CRTC1: variants seen among roughly 807,000 people sequenced by gnomAD.
The protein encoded by CRTC1 is CREB regulated transcription coactivator 1.
In CRTC1, 18 loss-of-function variants were observed where a neutral mutation model predicts 66.1. The observed-to-expected ratio is 0.27, with a 90% CI of 0.19 to 0.40. The LOEUF (loss-of-function observed/expected upper bound fraction) is 0.40, where lower values mean the gene tolerates loss of function less well. Among genes scored for constraint, CRTC1 ranks in the 10% least tolerant of loss-of-function variants. The probability of loss-of-function intolerance (pLI) is 1.00; values close to 1 mark genes in which losing one functional copy is unlikely to be tolerated. For synonymous variants in CRTC1, 416 were observed against 398.8 expected (o/e 1.04, Z -0.51); for missense variants, 669 against 887.9 (o/e 0.75, Z 3.13).
chr19:18,733,184 A>G (rs568412333), intron 1 of CRTC1, among the ~76,000 whole-genome samples: 16 of 152,148 alleles, frequency 1.1e-4, no homozygotes, highest in East Asian at 1.9e-4. Flanking sequence ...TAGTGCCTCA[A>G]TTTACCAGCT....
At chr19:18,719,993 A>T (rs1011129037) in intron 1 of CRTC1, among the ~76,000 whole-genome samples, 4 of 152,234 alleles carry the variant, frequency 2.6e-5, no homozygotes, top group Non-Finnish European at 4.4e-5. Flanking sequence ...TCAAGTGGCC[A>T]GCATCCCCGC....
Position 18,728,815 on chromosome 19 carries a change from C to CTTTTTTTTTTTTTTTTTTTTTTTTT in CRTC1, c.127-14080_127-14079insTTTTTTTTTTTTTTTTTTTTTTTTT, listed in dbSNP as rs35465891. On this transcript the variant is annotated intron_variant, in intron 1 of 13. Transcript: ENST00000321949. ...ACAGGTGTGAGCCACCTCACCTGGC[C>CTTTTTTTTTTTTTTTTTTTTTTTTT]TTTTTTTTTTTTTTTGAGACAGAGT... Among the ~76,000 whole-genome samples the CTTTTTTTTTTTTTTTTTTTTTTTTT allele has an allele frequency of 1.4e-3, 113 of 79,334 alleles. 12 individuals are homozygous for CTTTTTTTTTTTTTTTTTTTTTTTTT. Among genetic ancestry groups the CTTTTTTTTTTTTTTTTTTTTTTTTT allele is most frequent in the East Asian group, 4.4e-3 (6 of 1,366 alleles). The allele number at this position is 79,334 out of a possible 152,430, so 52.0% of individuals were successfully genotyped here. A position where few individuals can be genotyped will look rare whatever the true frequency, so the allele number is the denominator to read the frequency against.
chr19:18,718,055 G>A (rs193005072), intron 1 of CRTC1, among the ~76,000 whole-genome samples: 191 of 152,288 alleles, frequency 1.3e-3, no homozygotes, highest in African/African-American at 4.3e-3. Context: ...GTTCCATGGC[G>A]TTTGGCGCAT....
At chr19:18,749,669 A>G in intron 4 of CRTC1, 112 bp from the exon 5 acceptor site, 1 of 873,980 alleles carries the variant, frequency 1.1e-6, no homozygotes, top group Middle Eastern at 2.3e-4. Context: ...CAGCTCACAA[A>G]AATGATCCAC....
chr19:18,761,349 G>A (rs984873844), intron 8 of CRTC1, among the ~76,000 whole-genome samples: 4 of 152,148 alleles, frequency 2.6e-5, no homozygotes, highest in South Asian at 2.1e-4. Flanking sequence ...GAGAAATGGC[G>A]TGGCCCCAAC....
At chr19:18,730,465 G>T (rs1600866816) in intron 1 of CRTC1, among the ~76,000 whole-genome samples, 1 of 151,970 alleles carries the variant, frequency 6.6e-6, no homozygotes. Flanking sequence ...GTGTACTGGG[G>T]CCCCCCTACG....
chr19:18,767,195 A>G (rs116808450), intron 9 of CRTC1, among the ~76,000 whole-genome samples: 9,598 of 151,908 alleles, frequency 0.063, 1,006 homozygotes, highest in African/African-American at 0.22. Context: ...TTATTTTTTA[A>G]TTTTAATTTA....
intron 13 of CRTC1, among the ~76,000 whole-genome samples, chr19:18,776,559 G>A (rs1315564675): frequency 6.6e-6 from 1 of 152,200 alleles, no homozygotes; most frequent in Non-Finnish European, 1.5e-5. Context: ...CCACCCCTCG[G>A]GTGTAGGCAG....
chr19:18,715,159 G>A (rs1301739458), intron 1 of CRTC1, among the ~76,000 whole-genome samples: 1 of 152,368 alleles, frequency 6.6e-6, no homozygotes, highest in East Asian at 1.9e-4. Flanking sequence ...TCCTTGGCTT[G>A]TAGCCGCATC....
At chr19:18,693,397 A>AC (rs911235268) in intron 1 of CRTC1, among the ~76,000 whole-genome samples, 1 of 151,470 alleles carries the variant, frequency 6.6e-6, no homozygotes, top group African/African-American at 2.4e-5. Context: ...TAAAAAAAAA[A>AC]AAATTCATTT....
chr19:18,730,354 C>T (rs1161155082), intron 1 of CRTC1, among the ~76,000 whole-genome samples: 1 of 152,150 alleles, frequency 6.6e-6, no homozygotes, highest in Non-Finnish European at 1.5e-5. Context: ...CCCCCTGCTT[C>T]ACACGCTACC....
intron 4 of CRTC1, among the ~76,000 whole-genome samples, chr19:18,747,396 G>A (rs576692245): frequency 1.3e-5 from 2 of 152,086 alleles, no homozygotes; most frequent in Admixed American, 1.3e-4. Flanking sequence ...CAGCACTTTG[G>A]GGGGCCGAGG....
intron 10 of CRTC1, among the ~76,000 whole-genome samples, chr19:18,770,779 GGT>G (rs376873457): frequency 1.3e-4 from 19 of 151,538 alleles, no homozygotes; most frequent in African/African-American, 3.9e-4. Context: ...TGTACATTTT[GGT>G]GTGTGAATAT....
chr19:18,689,267 C>G (rs2052764108), intron 1 of CRTC1, among the ~76,000 whole-genome samples: 1 of 151,500 alleles, frequency 6.6e-6, no homozygotes, highest in Non-Finnish European at 1.5e-5. Context: ...GTTTCTGTCT[C>G]TATGGATTTG....
At chr19:18,743,511 C>A (rs74359565) in intron 2 of CRTC1, among the ~76,000 whole-genome samples, 1,561 of 152,328 alleles carry the variant, frequency 0.01, 40 homozygotes, top group African/African-American at 0.036. Flanking sequence ...CACAGCGGCC[C>A]TCTTCCCTGT....
Position 18,777,467 on chromosome 19 carries a change from G to A in CRTC1, c.*85G>A, listed in dbSNP as rs1568546780. 8 of 1,271,348 alleles carry A rather than the reference G, an allele frequency of 6.3e-6. No individual in the cohort carries two copies. In the East Asian group the frequency reaches 7.0e-5, roughly 11 times the overall value. 78.8% of individuals were successfully genotyped at this position (1,271,348 alleles called of 1,614,324 possible). On this transcript the variant is annotated 3_prime_UTR_variant, in exon 14 of 14. Transcript: ENST00000321949. The surrounding 1 kb of genome is among the most constrained non-coding windows in gnomAD (Gnocchi z 5.5). ...CGGCCGTGCTCCGTCCCTCGCCAAC[G>A]GCCGAGCTTGTGATTCTGAGCTTGC...
intron 6 of CRTC1, among the ~76,000 whole-genome samples, chr19:18,757,073 T>C (rs984213305): frequency 6.6e-6 from 1 of 152,216 alleles, no homozygotes; most frequent in African/African-American, 2.4e-5. Context: ...GTGTGCATTT[T>C]GAGGCCAGCC....
At chr19:18,732,329 T>C (rs1009881209) in intron 1 of CRTC1, among the ~76,000 whole-genome samples, 1 of 152,076 alleles carries the variant, frequency 6.6e-6, no homozygotes, top group African/African-American at 2.4e-5. Context: ...GAGAGATCTC[T>C]AAGCACACAC....
chr19:18,757,483 C>T (rs1168524581), intron 6 of CRTC1, among the ~76,000 whole-genome samples: 4 of 152,236 alleles, frequency 2.6e-5, no homozygotes, highest in African/African-American at 9.6e-5. Context: ...GGTGTCCTCA[C>T]AGCCAGAGCC....
Sources: gnomAD v4.1 joint callset for allele counts (sites outside exome capture counted in the v4.1 genomes callset) on GRCh38, gnomAD v4.1.1 for gene constraint, Gnocchi (gnomAD v3.1) non-coding constraint, MANE v1.5 for transcripts, NCBI Gene and HGNC (gene_info 2026-07-23, HGNC 2026-07-21) for gene names.